PMM1: variants seen among roughly 807,000 people sequenced by gnomAD.
PMM1 encodes phosphomannomutase 1, also known as brain glucose-1,6-bisphosphatase.
A neutral mutation model predicts 34.0 loss-of-function variants in PMM1; 25 were observed. That is an observed-to-expected ratio of 0.73 (90% CI 0.54 to 1.03). The LOEUF is 1.03. Ranked by LOEUF, PMM1 falls within the 50% of genes least tolerant of loss-of-function variation. The pLI, the probability that PMM1 is intolerant of heterozygous loss-of-function variation, is 0.00. For missense variants in PMM1, 321 were observed against 350.1 expected (o/e 0.92, Z 0.66); for synonymous variants, 134 against 143.9 (o/e 0.93, Z 0.49).
rs777904460 is a variant in PMM1, at chr22:41,586,098, C to T, written c.183G>A (p.Glu61=). ...VGGSDYCKIA[E]QLGDGDEVIE... ...TACCTTCATCCCCGTCACCCAGCTG[C>T]TCAGCGATCTTACAGTAGTCAGAGC... Residue 61 remains glutamate (E), a synonymous_variant, in exon 2 of 8, where the codon GAG becomes GAA. Transcript: ENST00000216259. 6.2e-7 allele frequency: 1 copy of T among 1,610,416 alleles called. No individual in the cohort carries two copies.
chr22:41,582,434 A>C (rs1242904215), intron 5 of PMM1, among the ~76,000 whole-genome samples: 2 of 152,224 alleles, frequency 1.3e-5, no homozygotes, highest in African/African-American at 4.8e-5. Flanking sequence ...ACTGCACTCC[A>C]GACTGGGCAA....
chr22:41,588,285 T>C (rs1465071395), intron 1 of PMM1, among the ~76,000 whole-genome samples: 1 of 152,254 alleles, frequency 6.6e-6, no homozygotes, highest in Non-Finnish European at 1.5e-5. Context: ...AATGGCACAT[T>C]CTCGGCTCAC....
chr22:41,586,092 C>T lies in PMM1; in HGVS notation c.189G>A (p.Leu63=). ...GSDYCKIAEQ[L]GDGDEVIEKF... ...CACTCCTACCTTCATCCCCGTCACCCAGCTGCTCAGCGATCTTACAGTAGT... is the reference window on the plus strand; with the variant it reads ...CACTCCTACCTTCATCCCCGTCACCTAGCTGCTCAGCGATCTTACAGTAGT... Residue 63 remains leucine, a synonymous_variant, in exon 2 of 8, where the codon CTG becomes CTA. Transcript: ENST00000216259. 3 of 1,608,950 alleles carry T rather than the reference C, an allele frequency of 1.9e-6. No homozygotes were observed. Among genetic ancestry groups the T allele is most frequent in the Non-Finnish European group, 1.7e-6 (2 of 1,177,912 alleles).
intron 6 of PMM1, 136 bp downstream of exon 6, chr22:41,578,670 C>T (rs1316534224): frequency 1.5e-6 from 1 of 675,254 alleles, no homozygotes; most frequent in Non-Finnish European, 2.6e-6. Context: ...GCATCGGGCT[C>T]AGCCACCCTC....
intron 5 of PMM1, 103 bp from the exon 6 acceptor site, chr22:41,578,984 T>C: frequency 1.0e-6 from 1 of 963,270 alleles, no homozygotes; most frequent in South Asian, 1.4e-5. Context: ...TCTAGGTGGG[T>C]AGGACCCCCA....
rs369431818 is a variant in PMM1 at position 41,586,196 on chromosome 22, A to G, written c.88-3T>C. On this transcript the variant is annotated splice_polypyrimidine_tract_variant and splice_region_variant and intron_variant, in intron 1 of 7. Transcript: ENST00000216259. ...GCGGCCACCTCAGGGTCAATTTTCT[A>G]TGGGGGGAGAGGGGAAGCATAGCAT... 11 of 1,606,952 alleles carry G rather than the reference A, an allele frequency of 6.8e-6. No homozygotes were observed. The highest frequency in any genetic ancestry group is 5.5e-5 in the South Asian group (5 of 90,902).
rs1447844321 is a variant in PMM1, at chr22:41,584,370, G to A, written c.285C>T (p.Thr95=). The A allele has an allele frequency of 6.2e-7, 1 of 1,613,860 alleles. No individual in the cohort carries two copies. Among genetic ancestry groups the A allele is most frequent in the African/African-American group, 1.3e-5 (1 of 74,916 alleles). The change falls in exon 4 of 8, where the codon ACC becomes ACT. Residue 95 remains threonine, a splice_region_variant and synonymous_variant. Transcript: ENST00000216259. ...GCTCCTCCCCCAGGTGGTTCTGGAT[G>A]GTCTGGCCAAGGAACACAGGGCTCT... is the stretch of plus-strand genomic sequence containing the variant. ...YKHGRLLSKQ[T]IQNHLGEELL... is the part of the protein sequence containing the mutation.
intron 1 of PMM1, 55 bp downstream of exon 1, chr22:41,589,664 T>G: frequency 6.9e-7 from 1 of 1,451,804 alleles, no homozygotes; most frequent in Non-Finnish European, 9.5e-7. Flanking sequence ...ACACTCAGCC[T>G]CGGGGGTGTC....
intron 5 of PMM1, among the ~76,000 whole-genome samples, chr22:41,581,361 C>T (rs1312997521): frequency 3.9e-5 from 6 of 151,906 alleles, no homozygotes; most frequent in African/African-American, 1.5e-4. Context: ...TGGGCACTGC[C>T]TCCCCTAAGC....
chr22:41,578,714 A>T, intron 6 of PMM1, 92 bp downstream of exon 6: 1 of 1,050,506 alleles, frequency 9.5e-7, no homozygotes, highest in Non-Finnish European at 1.5e-6. Context: ...TACTAAAGCT[A>T]CTGGGGGCCA....
chr22:41,578,693 C>T (rs1475617186), intron 6 of PMM1, 113 bp downstream of exon 6: 21 of 813,658 alleles, frequency 2.6e-5, no homozygotes, highest in Admixed American at 6.3e-5. Flanking sequence ...TGCCCTGAGC[C>T]GGGGAGGGGC....
chr22:41,583,806 G>A (rs1303170442), intron 5 of PMM1, among the ~76,000 whole-genome samples, 153 bp downstream of exon 5: 4 of 152,158 alleles, frequency 2.6e-5, no homozygotes, highest in Non-Finnish European at 5.9e-5. Flanking sequence ...AGATGCAGGT[G>A]TGTCTACAAC....
At chr22:41,581,350 G>A (rs563128227) in intron 5 of PMM1, among the ~76,000 whole-genome samples, 2 of 151,794 alleles carry the variant, frequency 1.3e-5, no homozygotes, top group East Asian at 3.9e-4. Context: ...CCCTGTGCCT[G>A]TGGGCACTGC....
intron 5 of PMM1, among the ~76,000 whole-genome samples, chr22:41,582,693 G>A (rs906009961): frequency 2.0e-5 from 3 of 152,148 alleles, no homozygotes; most frequent in African/African-American, 7.2e-5. Flanking sequence ...GCCCCACTGG[G>A]AAAAGGATGT....
chr22:41,577,872 C>A lies in PMM1; in HGVS notation c.602G>T (p.Cys201Phe). Residue 201 changes from cysteine (C) to phenylalanine (F), a missense_variant, in exon 7 of 8, where the codon TGC becomes TTC. By Grantham distance (205) the Cys-to-Phe change is radical (BLOSUM62 -2). Coordinates refer to ENST00000216259, the MANE Select transcript of PMM1 (RefSeq NM_002676.3). ...GCTGTCCTGGTCCAGGCTATCCAGG[C>A]AGTAGCGCTTGTCCCAGCCCTCGGG... ...VFPEGWDKRYCLDSLDQDSFD... is the reference protein window; with the variant it reads ...VFPEGWDKRYFLDSLDQDSFD... 4 of 1,613,556 alleles carry A rather than the reference C, an allele frequency of 2.5e-6. No homozygotes were observed. The highest frequency in any genetic ancestry group is 3.4e-6 in the Non-Finnish European group (4 of 1,180,000).
At chr22:41,577,662 G>A (rs969284933) in intron 7 of PMM1, 146 bp downstream of exon 7, 1 of 759,996 alleles carries the variant, frequency 1.3e-6, no homozygotes, top group Non-Finnish European at 2.2e-6. Context: ...GTGAGCAATG[G>A]TTGTTCTCCA....
rs1228078587 is a variant in PMM1, at chr22:41,578,895, G to A, written c.475-14C>T. 1.9e-6 allele frequency: 3 copies of A among 1,612,568 alleles called. No individual in the cohort carries two copies. The African/African-American group carries it at 4.0e-5, about 22-fold the overall frequency. On this transcript the variant is annotated splice_polypyrimidine_tract_variant and intron_variant, in intron 5 of 7. Transcript: ENST00000216259. ...GATCTTCTCTTTCTGCAGAGGGGAG[G>A]GAGCGGATGGCAGCTCAGAGGACCT...
chr22:41,583,496 AG>A (rs2067269910), intron 5 of PMM1, among the ~76,000 whole-genome samples: 2 of 152,124 alleles, frequency 1.3e-5, no homozygotes, highest in Admixed American at 1.3e-4. Flanking sequence ...AAAAAGAAAA[AG>A]AAAGAAAGGT....
chr22:41,589,090 G>C (rs1227389680), intron 1 of PMM1: 1 of 1,303,786 alleles, frequency 7.7e-7, no homozygotes, highest in African/African-American at 1.5e-5. Flanking sequence ...AAACAGGCTA[G>C]GCCTGGAGCC....
Sources: gnomAD v4.1 joint callset for allele counts (sites outside exome capture counted in the v4.1 genomes callset) on GRCh38, gnomAD v4.1.1 for gene constraint, MANE v1.5 for transcripts, NCBI Gene and HGNC (gene_info 2026-07-23, HGNC 2026-07-21) for gene names.